EYS: variants seen among roughly 807,000 people sequenced by gnomAD.
The protein encoded by EYS is protein eyes shut homolog.
In EYS, 250 loss-of-function variants were observed where a neutral mutation model predicts 282.1. The ratio of observed to expected loss-of-function variants is 0.89; its 90% CI spans 0.80 to 0.98. EYS has a LOEUF of 0.98. EYS is among the 50% of genes least tolerant of loss of function. EYS has a pLI of 0.00. For synonymous variants in EYS, 1,355 were observed against 1,282.9 expected (o/e 1.06, Z -1.20); for missense variants, 4,016 against 3,709.0 (o/e 1.08, Z -2.15).
chr6:64,887,663 T>TC (rs1767141414), intron 18 of EYS, among the ~76,000 whole-genome samples: 1 of 152,004 alleles, frequency 6.6e-6, no homozygotes, highest in Admixed American at 6.6e-5. Context: ...AGTCTAACAT[T>TC]CCCCATGCTC....
intron 36 of EYS, among the ~76,000 whole-genome samples, chr6:63,847,504 C>A (rs932226627): frequency 6.6e-6 from 1 of 152,072 alleles, no homozygotes; most frequent in Non-Finnish European, 1.5e-5. Context: ...TAATGATAGA[C>A]ATCTGAGAAG....
At chr6:63,861,340 T>A (rs1284462637) in intron 36 of EYS, among the ~76,000 whole-genome samples, 1 of 152,222 alleles carries the variant, frequency 6.6e-6, no homozygotes, top group African/African-American at 2.4e-5. Flanking sequence ...ATTTGTCCAC[T>A]TATCTACATC....
chr6:64,773,952 A>G (rs1773603653), intron 22 of EYS, among the ~76,000 whole-genome samples: 1 of 151,930 alleles, frequency 6.6e-6, no homozygotes, highest in East Asian at 1.9e-4. Context: ...CTATTTGTCA[A>G]CTTTTGTTTT....
chr6:64,441,175 C>T (rs1774932021), intron 26 of EYS, among the ~76,000 whole-genome samples: 1 of 152,154 alleles, frequency 6.6e-6, no homozygotes, highest in South Asian at 2.1e-4. Flanking sequence ...TAGTGACTGA[C>T]CATCCATATC....
intron 4 of EYS, chr6:65,491,695 C>G (rs749939033): frequency 1.3e-5 from 4 of 312,848 alleles, no homozygotes; most frequent in Non-Finnish European, 1.9e-5. Flanking sequence ...TGCCAATAGG[C>G]CACACCCTAA....
At chr6:65,679,290 ATATGTG>A (rs1346180958) in intron 1 of EYS, among the ~76,000 whole-genome samples, 2 of 151,864 alleles carry the variant, frequency 1.3e-5, no homozygotes, top group East Asian at 1.9e-4. Flanking sequence ...AAAGTTGCAT[ATATGTG>A]TATGTGTATG....
chr6:64,317,562 C>T (rs1007660893), intron 29 of EYS, among the ~76,000 whole-genome samples: 8 of 152,010 alleles, frequency 5.3e-5, no homozygotes, highest in South Asian at 2.1e-4. Flanking sequence ...AAAATAGAAA[C>T]GCTTTTACAC....
chr6:64,939,969 A>G (rs947236427), intron 15 of EYS, among the ~76,000 whole-genome samples: 1 of 151,950 alleles, frequency 6.6e-6, no homozygotes, highest in African/African-American at 2.4e-5. Flanking sequence ...TAACAAAACA[A>G]TCCCCTGTCA....
chr6:63,729,147 A>G (rs1170827614), intron 41 of EYS, among the ~76,000 whole-genome samples: 1 of 151,980 alleles, frequency 6.6e-6, no homozygotes, highest in Non-Finnish European at 1.5e-5. Flanking sequence ...ATGTTTAGAT[A>G]TTTTGCCCAT....
intron 26 of EYS, among the ~76,000 whole-genome samples, chr6:64,578,496 T>C (rs1483595304): frequency 6.6e-6 from 1 of 152,118 alleles, no homozygotes; most frequent in Non-Finnish European, 1.5e-5. Context: ...GATGGTAGAA[T>C]GTAACAGTGT....
At chr6:64,896,481 T>A (rs929724539) in intron 18 of EYS, among the ~76,000 whole-genome samples, 1 of 151,960 alleles carries the variant, frequency 6.6e-6, no homozygotes, top group Non-Finnish European at 1.5e-5. Context: ...ACAAGGGCAC[T>A]GGGTTTCAAG....
intron 16 of EYS, among the ~76,000 whole-genome samples, chr6:64,909,177 A>G (rs1406466203): frequency 1.3e-5 from 2 of 152,174 alleles, no homozygotes; most frequent in Non-Finnish European, 2.9e-5. Context: ...TCAAGACTTG[A>G]CACATCATAG....
At chr6:63,998,952 G>T (rs1767957736) in intron 34 of EYS, 123 bp downstream of exon 34, 7 of 619,494 alleles carry the variant, frequency 1.1e-5, no homozygotes, top group Non-Finnish European at 1.7e-5. Flanking sequence ...GTGCTTTGTT[G>T]AGAGTTTTTA....
chr6:63,929,523 T>C (rs979164822), intron 35 of EYS, among the ~76,000 whole-genome samples: 2 of 152,198 alleles, frequency 1.3e-5, no homozygotes, highest in African/African-American at 4.8e-5. Context: ...ACCCAGCATT[T>C]TGTACAAGTA....
intron 19 of EYS, among the ~76,000 whole-genome samples, chr6:64,836,719 C>T (rs1258884956): frequency 6.6e-6 from 1 of 151,352 alleles, no homozygotes; most frequent in Non-Finnish European, 1.5e-5. Flanking sequence ...TGAAAACTTG[C>T]CAAAATGTAG....
intron 26 of EYS, among the ~76,000 whole-genome samples, chr6:64,547,285 A>G (rs904771853): frequency 1.1e-4 from 16 of 152,032 alleles, no homozygotes; most frequent in African/African-American, 3.9e-4. Flanking sequence ...ATCTGGCCCC[A>G]CCCACATCCT....
intron 28 of EYS, among the ~76,000 whole-genome samples, chr6:64,401,908 G>A (rs1344948153): frequency 6.6e-6 from 1 of 151,858 alleles, no homozygotes; most frequent in Non-Finnish European, 1.5e-5. Context: ...GTCTAAACAC[G>A]TTCATTTGGA....
chr6:65,215,713 G>T (rs921938648), intron 12 of EYS, among the ~76,000 whole-genome samples: 5 of 152,144 alleles, frequency 3.3e-5, no homozygotes, highest in Non-Finnish European at 7.4e-5. Flanking sequence ...CACCGATGTG[G>T]TAAATTTCAT....
At chr6:65,687,139 T>C (rs919885746) in intron 1 of EYS, among the ~76,000 whole-genome samples, 3 of 152,092 alleles carry the variant, frequency 2.0e-5, no homozygotes, top group Non-Finnish European at 4.4e-5. Context: ...CCAAGAAATA[T>C]TCAGATTTAA....
Sources: allele counts gnomAD v4.1 joint callset (sites outside exome capture counted in the v4.1 genomes callset), GRCh38; gene constraint gnomAD v4.1.1; transcripts MANE v1.5; gene names NCBI Gene and HGNC (gene_info 2026-07-23, HGNC 2026-07-21).